Variants in NEGR1 observed in about 807,000 individuals in gnomAD.
The protein encoded by NEGR1 is IgLON family member 4.
NEGR1 carries 10 observed loss-of-function variants against 40.9 expected under a neutral mutation model. That is an observed-to-expected ratio of 0.24 (90% confidence interval 0.15 to 0.42). The LOEUF (loss-of-function observed/expected upper bound fraction) is 0.42. Among genes scored for constraint, NEGR1 ranks in the 10% least tolerant of loss-of-function variants. NEGR1 has a pLI of 1.00. For missense variants in NEGR1, 352 were observed against 438.9 expected (o/e 0.80, Z 1.77); for synonymous variants, 185 against 166.8 (o/e 1.11, Z -0.84).
At chr1:71,857,457 C>CAAAAA (rs34177437) in intron 2 of NEGR1, among the ~76,000 whole-genome samples, 1 of 77,654 alleles carries the variant, frequency 1.3e-5, no homozygotes, top group Non-Finnish European at 2.4e-5. Flanking sequence ...ACAAAAAATA[C>CAAAAA]AAAAAAAAAA....
intron 1 of NEGR1, among the ~76,000 whole-genome samples, chr1:72,013,058 T>G (rs1322127418): frequency 1.3e-5 from 2 of 151,798 alleles, no homozygotes; most frequent in African/African-American, 4.8e-5. Context: ...TTATTTAATG[T>G]ATAGAAGCTT....
intron 1 of NEGR1, among the ~76,000 whole-genome samples, chr1:72,176,962 C>A (rs767082242): frequency 6.6e-6 from 1 of 151,904 alleles, no homozygotes; most frequent in Non-Finnish European, 1.5e-5. Flanking sequence ...CAGATGAGAT[C>A]GAGCGCGTTC....
At chr1:71,662,547 C>T (rs1204579689) in intron 4 of NEGR1, among the ~76,000 whole-genome samples, 1 of 151,990 alleles carries the variant, frequency 6.6e-6, no homozygotes, top group Non-Finnish European at 1.5e-5. Context: ...TCAGTTTTTT[C>T]GCCTGAAAAA....
chr1:71,882,530 A>G (rs2061238634), intron 2 of NEGR1, among the ~76,000 whole-genome samples: 1 of 152,092 alleles, frequency 6.6e-6, no homozygotes, highest in Non-Finnish European at 1.5e-5. Flanking sequence ...TCCCATAAGA[A>G]CACTGAATCT....
At chr1:71,418,686 A>G (rs1646373235) in intron 6 of NEGR1, among the ~76,000 whole-genome samples, 2 of 152,132 alleles carry the variant, frequency 1.3e-5, no homozygotes, top group South Asian at 4.1e-4. Flanking sequence ...AATAACTTAC[A>G]TGATCCCTTC....
intron 3 of NEGR1, among the ~76,000 whole-genome samples, chr1:71,740,355 T>A (rs72944194): frequency 0.015 from 2,326 of 151,686 alleles, 51 homozygotes; most frequent in African/African-American, 0.054. Context: ...TGCTACTCTG[T>A]ATCTTATATG....
intron 1 of NEGR1, among the ~76,000 whole-genome samples, chr1:72,036,064 T>C (rs928700263): frequency 6.6e-5 from 10 of 152,200 alleles, no homozygotes; most frequent in African/African-American, 2.4e-4. Context: ...ATTTGTTTAC[T>C]CAGATACCAG....
intron 1 of NEGR1, among the ~76,000 whole-genome samples, chr1:72,160,021 G>A (rs1218346125): frequency 6.6e-6 from 1 of 152,102 alleles, no homozygotes; most frequent in Non-Finnish European, 1.5e-5. Context: ...TTTTGAAAAT[G>A]TGTCTGCATA....
chr1:71,659,149 T>G (rs1179567339), intron 4 of NEGR1, among the ~76,000 whole-genome samples: 1 of 152,200 alleles, frequency 6.6e-6, no homozygotes, highest in Non-Finnish European at 1.5e-5. Context: ...GAGACTGGAT[T>G]ACAAACTGCT....
chr1:71,856,077 A>G (rs983581291), intron 2 of NEGR1, among the ~76,000 whole-genome samples: 2 of 152,044 alleles, frequency 1.3e-5, no homozygotes, highest in South Asian at 2.1e-4. Context: ...GAGATTAAGA[A>G]TGGGGCAGGA....
chr1:71,869,792 A>G (rs954541967), intron 2 of NEGR1, among the ~76,000 whole-genome samples: 2 of 152,100 alleles, frequency 1.3e-5, no homozygotes, highest in Non-Finnish European at 1.5e-5. Context: ...GGAAAATACT[A>G]ACATTTTTAT....
chr1:72,008,180 C>T (rs1302631945), intron 1 of NEGR1, among the ~76,000 whole-genome samples: 1 of 151,962 alleles, frequency 6.6e-6, no homozygotes, highest in Non-Finnish European at 1.5e-5. Context: ...TTACTATGCA[C>T]ATTTTAGAGA....
chr1:71,434,983 C>T (rs1042818053), intron 6 of NEGR1, among the ~76,000 whole-genome samples: 7 of 151,900 alleles, frequency 4.6e-5, no homozygotes, highest in South Asian at 4.2e-4. Context: ...CCCAGCTACT[C>T]GGGAGGCTGA....
intron 6 of NEGR1, among the ~76,000 whole-genome samples, chr1:71,558,830 G>A (rs557464064): frequency 9.7e-4 from 144 of 148,172 alleles, no homozygotes; most frequent in Non-Finnish European, 1.6e-3. Flanking sequence ...TTTCTCCAAC[G>A]ATTCCTGGTT....
chr1:72,210,627 G>T (rs992361271), intron 1 of NEGR1, among the ~76,000 whole-genome samples: 6 of 151,884 alleles, frequency 4.0e-5, no homozygotes, highest in African/African-American at 1.4e-4. Flanking sequence ...TGATTCTGCC[G>T]CTGTGAACTT....
At chr1:71,700,703 G>A (rs1364922739) in intron 3 of NEGR1, among the ~76,000 whole-genome samples, 3 of 151,908 alleles carry the variant, frequency 2.0e-5, no homozygotes, top group Non-Finnish European at 2.9e-5. Flanking sequence ...CAGAAATCCA[G>A]CAGAAGCCTA....
intron 2 of NEGR1, among the ~76,000 whole-genome samples, chr1:71,814,026 T>C (rs1018191543): frequency 5.9e-5 from 9 of 152,142 alleles, no homozygotes; most frequent in Admixed American, 5.9e-4. Flanking sequence ...GGGGAATGCT[T>C]CCAGCTTTTG....
At chr1:71,577,783 C>T (rs1167479213) in intron 6 of NEGR1, among the ~76,000 whole-genome samples, 4 of 152,112 alleles carry the variant, frequency 2.6e-5, no homozygotes, top group African/African-American at 9.7e-5. Context: ...TTTTCCAAAA[C>T]TGTTAAAAGC....
At chr1:72,133,714 C>T (rs1442779930) in intron 1 of NEGR1, among the ~76,000 whole-genome samples, 1 of 150,922 alleles carries the variant, frequency 6.6e-6, no homozygotes, top group Non-Finnish European at 1.5e-5. Context: ...GATTCATTAG[C>T]ACATAAGTAG....
Sources: allele counts gnomAD v4.1 joint callset (sites outside exome capture counted in the v4.1 genomes callset), GRCh38; gene constraint gnomAD v4.1.1; transcripts MANE v1.5; gene names NCBI Gene and HGNC (gene_info 2026-07-23, HGNC 2026-07-21).